GSDME: variants seen among roughly 807,000 people sequenced by gnomAD.
GSDME encodes gasdermin E, also known as gasdermin-E.
A neutral mutation model predicts 47.5 loss-of-function variants in GSDME; 44 were observed. The ratio of observed to expected loss-of-function variants is 0.93; its 90% CI spans 0.73 to 1.19. The LOEUF (loss-of-function observed/expected upper bound fraction) is 1.19. Among genes scored for constraint, GSDME ranks in the 50% most tolerant of loss-of-function variants. The probability of loss-of-function intolerance (pLI) is 0.00; values close to 1 mark genes in which losing one functional copy is unlikely to be tolerated. For synonymous variants in GSDME, 258 were observed against 252.8 expected (o/e 1.02, Z -0.20); for missense variants, 663 against 604.2 (o/e 1.10, Z -1.02).
At position 24,706,125 on chromosome 7, in the gene GSDME, A is replaced by G. The variant is rs554472156; in HGVS notation, c.1183+59T>C. ...CCTCTGTGTCCCCAGAAGCATAGAT[A>G]GTAGGCAAAGCATTTTAAAGCAGCA... On this transcript the variant is annotated intron_variant, in intron 8 of 9. Coordinates refer to ENST00000645220, the MANE Select transcript of GSDME (RefSeq NM_001127453.2). 4.0e-4 allele frequency: 640 copies of G among 1,591,974 alleles called. 1 individual carries two copies. The highest frequency in any genetic ancestry group is 5.3e-4 in the Non-Finnish European group (619 of 1,161,480).
At chr7:24,769,277 C>T in the GSDME span, among the ~76,000 whole-genome samples, 1 of 152,210 alleles carries the variant, frequency 6.6e-6, no homozygotes, top group African/African-American at 2.4e-5. Context: ...CTGCTGGAAG[C>T]TCAGGGTGGA....
At chr7:24,719,726 G>C (rs918447837) in intron 3 of GSDME, among the ~76,000 whole-genome samples, 8 of 151,864 alleles carry the variant, frequency 5.3e-5, no homozygotes, top group African/African-American at 1.9e-4. Flanking sequence ...CTGGGAGGCG[G>C]AATTTGCAAT....
the GSDME span, among the ~76,000 whole-genome samples, chr7:24,771,536 C>G: frequency 2.6e-5 from 4 of 152,208 alleles, no homozygotes; most frequent in Non-Finnish European, 4.4e-5. This position sits in a 1 kb window ranked among gnomAD's most constrained non-coding sequence, Gnocchi z 4.1. Flanking sequence ...TGTAACCAGG[C>G]TTGCATCCTG....
the GSDME span, among the ~76,000 whole-genome samples, chr7:24,780,565 C>T: frequency 6.6e-4 from 100 of 152,288 alleles, no homozygotes; most frequent in African/African-American, 2.1e-3. The surrounding 1 kb of genome is among the most constrained non-coding windows in gnomAD (Gnocchi z 4.1). Context: ...AGCTTCGTGG[C>T]CTTGCTCTGC....
rs1789963156 is a variant in GSDME, at chr7:24,726,273, A to G, written c.405-7055T>C. Reference sequence around the variant, plus strand: ...GAGGAGAAACCCAGAGACAACTTTTAAAAGTCTGACAATATCCAAAAGGAG... The same window carrying G: ...GAGGAGAAACCCAGAGACAACTTTTGAAAGTCTGACAATATCCAAAAGGAG... On this transcript the variant is annotated intron_variant, in intron 3 of 9. Transcript: ENST00000645220. The surrounding 1 kb of genome is among the most constrained non-coding windows in gnomAD (Gnocchi z 5.6). Among the ~76,000 whole-genome samples, 1 of 152,224 alleles carries G rather than the reference A, an allele frequency of 6.6e-6. No individual in the cohort carries two copies. Among genetic ancestry groups the G allele is most frequent in the African/African-American group, 2.4e-5 (1 of 41,458 alleles).
At chr7:24,789,281 C>T in the GSDME span, among the ~76,000 whole-genome samples, 2 of 151,912 alleles carry the variant, frequency 1.3e-5, no homozygotes, top group African/African-American at 2.4e-5. Context: ...CACACACACA[C>T]GCCTGTGAAT....
chr7:24,707,262 A>C, intron 7 of GSDME: 1 of 467,134 alleles, frequency 2.1e-6, no homozygotes, highest in Middle Eastern at 3.3e-4. Flanking sequence ...GAAAAACAAA[A>C]GAACAAAAAA....
At chr7:24,776,040 C>T in the GSDME span, among the ~76,000 whole-genome samples, 3 of 151,680 alleles carry the variant, frequency 2.0e-5, no homozygotes, top group African/African-American at 4.8e-5. Flanking sequence ...ATTAGCCGGG[C>T]GTGGTAGCGG....
At chr7:24,701,754 A>AT (rs1290600391) in intron 9 of GSDME, among the ~76,000 whole-genome samples, 1 of 152,114 alleles carries the variant, frequency 6.6e-6, no homozygotes. Context: ...AAGTAGTTCC[A>AT]TTTTTGCAGT....
Position 24,732,279 on chromosome 7 carries a change from G to A in GSDME, c.404+12283C>T, listed in dbSNP as rs907915687. Among the ~76,000 whole-genome samples, 2 of 152,204 alleles carry A rather than the reference G, an allele frequency of 1.3e-5. No homozygotes were observed. The highest frequency in any genetic ancestry group is 4.8e-5 in the African/African-American group (2 of 41,454). On this transcript the variant is annotated intron_variant, in intron 3 of 9. Coordinates refer to ENST00000645220, the MANE Select transcript of GSDME (RefSeq NM_001127453.2). This position sits in a 1 kb window ranked among gnomAD's most constrained non-coding sequence, Gnocchi z 4.8. The stretch of plus-strand genomic sequence containing the variant: ...GGGAAATTGATCAGGTAGGAAGGAA[G>A]CCCAGTTCAAACTTTGTTTTTTCCA...
rs561041958 is a variant in GSDME at position 24,756,434 on chromosome 7, G to C, written c.-20+962C>G. Among the ~76,000 whole-genome samples, 1 of 152,254 alleles carries C rather than the reference G, an allele frequency of 6.6e-6. No homozygotes were observed. Among genetic ancestry groups the C allele is most frequent in the Admixed American group, 6.5e-5 (1 of 15,296 alleles). The stretch of plus-strand genomic sequence containing the variant: ...CCTTTCTCTCTCAGATCTACCTAAT[G>C]GTCTGGGCTCAACTTCTCCTTTAGA... On this transcript the variant is annotated intron_variant, in intron 1 of 9. Coordinates refer to ENST00000645220, the MANE Select transcript of GSDME (RefSeq NM_001127453.2). The surrounding 1 kb of genome is among the most constrained non-coding windows in gnomAD (Gnocchi z 4.2).
rs552126330 is a variant in GSDME, at chr7:24,735,614, C to T, written c.404+8948G>A. On this transcript the variant is annotated intron_variant, in intron 3 of 9. Transcript: ENST00000645220. This position sits in a 1 kb window ranked among gnomAD's most constrained non-coding sequence, Gnocchi z 4.4. ...TCTACTAAAAATACAAAAAAGTAGC[C>T]GGGCGTGGTGGTGGGCGCCTGTAAT... is the stretch of plus-strand genomic sequence containing the variant. Among the ~76,000 whole-genome samples, 6 of 151,860 alleles carry T rather than the reference C, an allele frequency of 4.0e-5. No individual in the cohort carries two copies. The highest frequency in any genetic ancestry group is 6.6e-5 in the Admixed American group (1 of 15,246).
rs781717512 is a variant in GSDME, at chr7:24,699,000, C to T, written c.*26G>A. On this transcript the variant is annotated 3_prime_UTR_variant, in exon 10 of 10. Coordinates refer to ENST00000645220, the MANE Select transcript of GSDME (RefSeq NM_001127453.2). Reference sequence around the variant, plus strand: ...TCTGAAAAATAGCCTTGGCCAGTAACACGTACTTCTAGTTCACATATGACA... The same window carrying T: ...TCTGAAAAATAGCCTTGGCCAGTAATACGTACTTCTAGTTCACATATGACA... 6.0e-6 allele frequency: 9 copies of T among 1,503,838 alleles called. No homozygotes were observed. Among genetic ancestry groups the T allele is most frequent in the Non-Finnish European group, 8.3e-6 (9 of 1,082,190 alleles). 93.2% of individuals were successfully genotyped at this position (1,503,838 alleles called of 1,614,324 possible).
intron 8 of GSDME, chr7:24,704,972 G>A (rs896869650): frequency 6.6e-5 from 10 of 152,324 alleles, no homozygotes; most frequent in Non-Finnish European, 1.5e-4. Flanking sequence ...ACAGATGGGG[G>A]CCACCACACC....
intron 3 of GSDME, among the ~76,000 whole-genome samples, chr7:24,740,434 C>T (rs2721806): frequency 0.44 from 67,076 of 151,508 alleles, 16,938 homozygotes; most frequent in East Asian, 0.83. Flanking sequence ...AACTTTAGGA[C>T]ACCTAAAGCC....
chr7:24,710,159 A>G, intron 6 of GSDME, 65 bp downstream of exon 6: 1 of 1,558,290 alleles, frequency 6.4e-7, no homozygotes, highest in East Asian at 2.2e-5. Flanking sequence ...AGGCCACACC[A>G]CCTCTTGGGA....
chr7:24,766,518 T>G, the GSDME span, among the ~76,000 whole-genome samples: 1 of 152,266 alleles, frequency 6.6e-6, no homozygotes, highest in East Asian at 1.9e-4. This position sits in a 1 kb window ranked among gnomAD's most constrained non-coding sequence, Gnocchi z 4.2. Flanking sequence ...GTGTTCTCAT[T>G]GTTCAACTCC....
intron 3 of GSDME, among the ~76,000 whole-genome samples, 176 bp from the exon 4 acceptor site, chr7:24,719,394 T>C (rs1192409476): frequency 2.6e-5 from 4 of 152,116 alleles, no homozygotes; most frequent in Non-Finnish European, 4.4e-5. Context: ...CCAAACTCTC[T>C]TGAGGCCACC....
the GSDME span, among the ~76,000 whole-genome samples, chr7:24,765,813 T>C: frequency 1.6e-4 from 25 of 152,250 alleles, no homozygotes; most frequent in African/African-American, 6.0e-4. Context: ...TGATCCTTTA[T>C]ATACATCATT....
Sources: allele counts gnomAD v4.1 joint callset (sites outside exome capture counted in the v4.1 genomes callset), GRCh38; gene constraint gnomAD v4.1.1; non-coding constraint Gnocchi (gnomAD v3.1); transcripts MANE v1.5; gene names NCBI Gene and HGNC (gene_info 2026-07-23, HGNC 2026-07-21).